SLC28A3: variants seen among roughly 807,000 people sequenced by gnomAD.
SLC28A3 encodes the protein solute carrier family 28 member 3, also known as concentrative Na(+)-nucleoside cotransporter 3.
In SLC28A3, 68 loss-of-function variants were observed where a neutral mutation model predicts 84.2. The observed-to-expected ratio is 0.81, with a 90% CI of 0.66 to 0.99. SLC28A3 has a LOEUF of 0.99. Ranked by LOEUF, SLC28A3 falls within the 50% of genes least tolerant of loss-of-function variation. The pLI, the probability that SLC28A3 is intolerant of heterozygous loss-of-function variation, is 0.00. For synonymous variants in SLC28A3, 267 were observed against 303.6 expected (o/e 0.88, Z 1.25); for missense variants, 712 against 841.5 (o/e 0.85, Z 1.90).
intron 17 of SLC28A3, among the ~76,000 whole-genome samples, chr9:84,278,706 G>A (rs996875629): frequency 2.0e-5 from 3 of 152,086 alleles, no homozygotes; most frequent in Non-Finnish European, 4.4e-5. Flanking sequence ...CACCATAGAC[G>A]ATCATCGTGT....
chr9:84,363,246 G>C, the SLC28A3 span, among the ~76,000 whole-genome samples: 1 of 152,188 alleles, frequency 6.6e-6, no homozygotes, highest in Non-Finnish European at 1.5e-5. Flanking sequence ...GAGATTGAAC[G>C]AAGGTACAGG....
chr9:84,292,474 TG>T, intron 10 of SLC28A3, 193 bp downstream of exon 10: 1 of 350,190 alleles, frequency 2.9e-6, no homozygotes, highest in Non-Finnish European at 4.8e-6. Context: ...TCTCTCTCTC[TG>T]TCTCTCTCTC....
intron 15 of SLC28A3, among the ~76,000 whole-genome samples, 199 bp from the exon 16 acceptor site, chr9:84,280,272 G>C (rs1237864261): frequency 6.6e-6 from 1 of 152,060 alleles, no homozygotes; most frequent in East Asian, 1.9e-4. Context: ...TGGGAAGAAG[G>C]GAAGAGGCTT....
At chr9:84,324,347 G>A (rs971056624) in intron 1 of SLC28A3, among the ~76,000 whole-genome samples, 1 of 152,088 alleles carries the variant, frequency 6.6e-6, no homozygotes, top group African/African-American at 2.4e-5. Context: ...AATTAAATTA[G>A]AAAAATAAAG....
chr9:84,323,070 G>T (rs1361571650), intron 1 of SLC28A3, among the ~76,000 whole-genome samples: 1 of 152,114 alleles, frequency 6.6e-6, no homozygotes, highest in Non-Finnish European at 1.5e-5. Context: ...ACTCAGAGTG[G>T]CATGCTGGCA....
intron 3 of SLC28A3, among the ~76,000 whole-genome samples, chr9:84,308,606 T>G (rs1426885538): frequency 6.6e-6 from 1 of 152,074 alleles, no homozygotes; most frequent in East Asian, 1.9e-4. Flanking sequence ...CTCCAGCCTA[T>G]GCAACAGAGT....
chr9:84,299,820 T>C, intron 5 of SLC28A3, 95 bp from the exon 6 acceptor site: 1 of 1,370,928 alleles, frequency 7.3e-7, no homozygotes, highest in Non-Finnish European at 9.7e-7. Context: ...AGAGATGGAG[T>C]CTTGCTCTGT....
chr9:84,299,457 A>G (rs17087049), intron 6 of SLC28A3, 124 bp downstream of exon 6: 52,011 of 1,273,650 alleles, frequency 0.041, 5,172 homozygotes, highest in African/African-American at 0.29. Flanking sequence ...GTCACGTTAA[A>G]TAATCCCATC....
the SLC28A3 span, among the ~76,000 whole-genome samples, chr9:84,352,063 T>C: frequency 6.6e-6 from 1 of 152,248 alleles, no homozygotes; most frequent in Non-Finnish European, 1.5e-5. Flanking sequence ...GAATTATTCA[T>C]ATATGTAAAC....
chr9:84,297,419 GT>G (rs1207595972), intron 7 of SLC28A3, 121 bp from the exon 8 acceptor site: 1 of 721,788 alleles, frequency 1.4e-6, no homozygotes, highest in African/African-American at 1.8e-5. Flanking sequence ...GACTTGGAAA[GT>G]TAATGTTCTC....
chr9:84,283,781 G>T (rs761715618), intron 14 of SLC28A3, among the ~76,000 whole-genome samples: 1 of 152,202 alleles, frequency 6.6e-6, no homozygotes, highest in African/African-American at 2.4e-5. Context: ...CTGGGGTTTT[G>T]CCTCACGGAC....
In SLC28A3 at chr9:84,283,561, ACTTTTTC is replaced by A. The variant is rs563099074; in HGVS notation, c.1647+1777_1647+1783del. 4.6e-5 allele frequency among the ~76,000 whole-genome samples: 7 copies of A among 152,374 alleles called. No homozygotes were observed. In the South Asian group the frequency reaches 1.4e-3, roughly 32 times the overall value. ...TCCAGAGAAATAAGAAGGATGCCTTACTTTTTCCTTTATCTTTTTTTGGACCTTTTGA... is the reference window on the plus strand; with the variant it reads ...TCCAGAGAAATAAGAAGGATGCCTTACTTTATCTTTTTTTGGACCTTTTGA... On this transcript the variant is annotated intron_variant, in intron 14 of 17. Coordinates refer to ENST00000376238, the MANE Select transcript of SLC28A3 (RefSeq NM_001199633.2).
At position 84,280,895 on chromosome 9, in the gene SLC28A3, ATAAACACATATG is replaced by A; in HGVS notation, c.1648-25_1648-14del. The A allele has an allele frequency of 6.2e-7, 1 of 1,613,434 alleles. No homozygotes were observed. The highest frequency in any genetic ancestry group is 8.5e-7 in the Non-Finnish European group (1 of 1,179,578). On this transcript the variant is annotated splice_polypyrimidine_tract_variant and intron_variant, in intron 14 of 17. Transcript: ENST00000376238. ...TCTCAGAACGAATCTGTAAGCAAGC[ATAAACACATATG>A]TATACACAATCTGAGCTGGCTTAAC...
rs1473612443 is a variant in SLC28A3 at position 84,290,241 on chromosome 9, G to A, written c.1062C>T (p.Tyr354=). ...SPLLVRPYLP[Y]ITKSELHAIM... is the part of the protein sequence containing the mutation. ...TGGCGTGGAGTTCAGACTTGGTGAT[G>A]TAAGGTAAATATGGTCGGACCAGCA... The change falls in exon 11 of 18, where the codon TAC becomes TAT. Residue 354 remains tyrosine (Y), a synonymous_variant. Coordinates refer to ENST00000376238, the MANE Select transcript of SLC28A3 (RefSeq NM_001199633.2). 5 of 1,614,106 alleles carry A rather than the reference G, an allele frequency of 3.1e-6. No homozygotes were observed. The highest frequency in any genetic ancestry group is 2.2e-5 in the East Asian group (1 of 44,876).
chr9:84,307,521 GT>G (rs1736051921), intron 3 of SLC28A3, among the ~76,000 whole-genome samples: 1 of 151,940 alleles, frequency 6.6e-6, no homozygotes, highest in Non-Finnish European at 1.5e-5. Context: ...AGAACAATAG[GT>G]ATCACTTCAT....
intron 14 of SLC28A3, among the ~76,000 whole-genome samples, chr9:84,284,237 A>C (rs1824885857): frequency 6.6e-6 from 1 of 152,216 alleles, no homozygotes; most frequent in South Asian, 2.1e-4. Context: ...GCATCTAAAC[A>C]ATGAGGATAA....
chr9:84,302,311 G>T lies in SLC28A3; in HGVS notation c.413C>A (p.Ala138Asp). Residue 138 changes from alanine to aspartate, a missense_variant, in exon 5 of 18, where the codon GCC (alanine) becomes GAC (aspartate). Ala to Asp is a moderately radical substitution (Grantham distance 126). Coordinates refer to ENST00000376238, the MANE Select transcript of SLC28A3 (RefSeq NM_001199633.2). ...GTGATCCCAGACAACAAAGAAGATG[G>T]CAGCCACGGTGATCACAAAAAGAGG... ...ALPLFVITVAAIFFVVWDHLM... is the reference protein window; with the variant it reads ...ALPLFVITVADIFFVVWDHLM... 1 of 1,614,138 alleles carries T rather than the reference G, an allele frequency of 6.2e-7. No homozygotes were observed. The highest frequency in any genetic ancestry group is 8.5e-7 in the Non-Finnish European group (1 of 1,180,014).
chr9:84,306,994 C>T (rs1179272446), intron 3 of SLC28A3, among the ~76,000 whole-genome samples: 1 of 25,944 alleles, frequency 3.9e-5, no homozygotes, highest in African/African-American at 1.5e-4. Flanking sequence ...CTTGTCTCTA[C>T]AAAAAAAAAA....
At chr9:84,366,568 G>C in the SLC28A3 span, among the ~76,000 whole-genome samples, 2 of 152,184 alleles carry the variant, frequency 1.3e-5, no homozygotes, top group South Asian at 2.1e-4. Context: ...GGTCTAGAGT[G>C]TTGTAATCTA....
Sources: allele counts gnomAD v4.1 joint callset (sites outside exome capture counted in the v4.1 genomes callset), GRCh38; gene constraint gnomAD v4.1.1; transcripts MANE v1.5; gene names NCBI Gene and HGNC (gene_info 2026-07-23, HGNC 2026-07-21).